Variants in LOC400499 observed in about 807,000 individuals in gnomAD.
the LOC400499 span, among the ~76,000 whole-genome samples, chr16:11,494,316 C>T: frequency 6.8e-6 from 1 of 146,664 alleles, no homozygotes; most frequent in South Asian, 2.2e-4. Context: ...ATTCCCCCTT[C>T]CCCCCTTCAC....
the LOC400499 span, among the ~76,000 whole-genome samples, chr16:11,514,780 G>A: frequency 6.6e-6 from 1 of 152,268 alleles, no homozygotes; most frequent in South Asian, 2.1e-4. Flanking sequence ...AAGGACGAGG[G>A]GAAACAAGAA....
At chr16:11,457,004 G>A in the LOC400499 span, 1 of 1,534,598 alleles carries the variant, frequency 6.5e-7, no homozygotes, top group South Asian at 1.2e-5. Context: ...GCTGCACGCG[G>A]CAATCCACCT....
the LOC400499 span, among the ~76,000 whole-genome samples, chr16:11,426,262 C>G: frequency 1.3e-5 from 2 of 152,052 alleles, no homozygotes; most frequent in Non-Finnish European, 2.9e-5. Context: ...ATGGTGAAAC[C>G]CTGTCTCTAC....
the LOC400499 span, chr16:11,508,690 G>A: frequency 2.5e-6 from 1 of 398,978 alleles, no homozygotes; most frequent in East Asian, 3.6e-5. Flanking sequence ...GAAAGACTCT[G>A]GCCTGGGGCT....
the LOC400499 span, chr16:11,398,449 C>G: frequency 3.2e-6 from 4 of 1,232,158 alleles, no homozygotes; most frequent in African/African-American, 1.6e-5. Context: ...CAAGAGGCCC[C>G]GAGGACGTGC....
the LOC400499 span, among the ~76,000 whole-genome samples, chr16:11,393,186 G>T: frequency 1.3e-5 from 2 of 150,296 alleles, no homozygotes; most frequent in Admixed American, 6.7e-5. Context: ...TAGAGACGGG[G>T]TCTCACTATG....
At chr16:11,450,856 G>T in the LOC400499 span, 1 of 1,504,292 alleles carries the variant, frequency 6.6e-7, no homozygotes, top group Non-Finnish European at 8.9e-7. Flanking sequence ...TGGTACACGG[G>T]GTAGAGAGGA....
chr16:11,451,330 A>T, the LOC400499 span, among the ~76,000 whole-genome samples: 4 of 152,262 alleles, frequency 2.6e-5, no homozygotes, highest in Non-Finnish European at 5.9e-5. Flanking sequence ...CTGTAATCCC[A>T]GCACTTTGGG....
chr16:11,491,660 C>T, the LOC400499 span: 1 of 366,620 alleles, frequency 2.7e-6, no homozygotes. Flanking sequence ...CCCAGCCCCA[C>T]CCCTGCCCAC....
At chr16:11,401,520 T>A in the LOC400499 span, 1 of 398,400 alleles carries the variant, frequency 2.5e-6, no homozygotes, top group Non-Finnish European at 4.4e-6. Context: ...GGCAGGTGGC[T>A]TTCAGCACAA....
the LOC400499 span, chr16:11,387,077 G>T: frequency 8.1e-7 from 1 of 1,231,486 alleles, no homozygotes; most frequent in Non-Finnish European, 1.0e-6. Context: ...GGGCTCTCAG[G>T]GAGGAGGGCG....
the LOC400499 span, chr16:11,423,336 T>A: frequency 3.3e-4 from 130 of 398,882 alleles, no homozygotes; most frequent in African/African-American, 2.4e-3. Flanking sequence ...AAGATCCCAC[T>A]TGACCCCGCC....
At chr16:11,378,039 C>CCTAT in the LOC400499 span, among the ~76,000 whole-genome samples, 1 of 152,086 alleles carries the variant, frequency 6.6e-6, no homozygotes, top group African/African-American at 2.4e-5. Context: ...CATTCCTTCT[C>CCTAT]CTATCTTTGG....
the LOC400499 span, among the ~76,000 whole-genome samples, chr16:11,389,791 T>C: frequency 1.3e-5 from 2 of 151,744 alleles, no homozygotes; most frequent in East Asian, 3.9e-4. Context: ...TGCAGCGAGC[T>C]GTACCAGCCC....
chr16:11,399,520 G>A, the LOC400499 span: 1 of 398,746 alleles, frequency 2.5e-6, no homozygotes, highest in Non-Finnish European at 4.4e-6. Context: ...AGGACACGTT[G>A]AGCTGTTCAA....
At chr16:11,493,377 C>A in the LOC400499 span, among the ~76,000 whole-genome samples, 1 of 152,166 alleles carries the variant, frequency 6.6e-6, no homozygotes, top group Non-Finnish European at 1.5e-5. Flanking sequence ...CAGGTAGTGG[C>A]CCATGGCCCG....
chr16:11,504,686 G>A, the LOC400499 span, among the ~76,000 whole-genome samples: 400 of 152,206 alleles, frequency 2.6e-3, 3 homozygotes, highest in African/African-American at 8.6e-3. Context: ...ACTTTGGGAG[G>A]TCGAGGCAGG....
the LOC400499 span, among the ~76,000 whole-genome samples, chr16:11,397,422 T>A: frequency 6.6e-6 from 1 of 152,104 alleles, no homozygotes; most frequent in Non-Finnish European, 1.5e-5. Flanking sequence ...TACAGGCACG[T>A]GCCACCGTGC....
the LOC400499 span, chr16:11,393,579 G>A: frequency 1.6e-6 from 2 of 1,232,196 alleles, no homozygotes; most frequent in Non-Finnish European, 1.0e-6. Flanking sequence ...GGAAGGCAGA[G>A]GCCTGAGTGG....
Sources: gnomAD v4.1 joint callset for allele counts (sites outside exome capture counted in the v4.1 genomes callset) on GRCh38, gnomAD v4.1.1 for gene constraint, MANE v1.5 for transcripts.